Variants in COL18A1 observed in about 807,000 individuals in gnomAD.
COL18A1 encodes the protein collagen alpha-1(XVIII) chain.
A neutral mutation model predicts 168.0 loss-of-function variants in COL18A1; 133 were observed. The ratio of observed to expected loss-of-function variants is 0.79; its 90% confidence interval spans 0.69 to 0.91. The LOEUF (loss-of-function observed/expected upper bound fraction) is 0.91. COL18A1 is among the 40% of genes least tolerant of loss of function. The pLI, the probability that COL18A1 is intolerant of heterozygous loss-of-function variation, is 0.00. For missense variants in COL18A1, 2,126 were observed against 1,925.4 expected, an observed-to-expected ratio of 1.10 and a Z score of -1.95; for synonymous variants, 949 against 809.0, an observed-to-expected ratio of 1.17 and a Z score of -2.94.
chr21:45,422,406 T>C, intron 2 of COL18A1: 1 of 516,524 alleles, frequency 1.9e-6, no homozygotes. Context: ...GCACTGAGGG[T>C]CTCACCTCTT....
At position 45,457,354 on chromosome 21, in the gene COL18A1, G is replaced by A. The variant is rs529643070; in HGVS notation, c.107-10888G>A. Among the ~76,000 whole-genome samples the A allele has an allele frequency of 1.3e-5, 2 of 152,308 alleles. No individual in the cohort carries two copies. Among genetic ancestry groups the A allele is most frequent in the South Asian group, 2.1e-4 (1 of 4,826 alleles). ...GCGTGCTCGGGCCAAGGGTGCTGCC[G>A]CGTGGGCAGTGCAGAGACCCTACCA... On this transcript the variant is annotated intron_variant, in intron 2 of 41. Coordinates refer to ENST00000651438, the MANE Select transcript of COL18A1 (RefSeq NM_001379500.1). The surrounding 1 kb of genome is among the most constrained non-coding windows in gnomAD (Gnocchi z 4.6).
At chr21:45,405,298 CGCGGGGGTCGCGG>C (rs2123481920) in intron 1 of COL18A1, 57 bp downstream of exon 1, 2 of 521,432 alleles carry the variant, frequency 3.8e-6, no homozygotes, top group South Asian at 9.4e-5. Context: ...CTGCGGGGGT[CGCGGGGGTCGCGG>C]GGCTCGGCCG....
In COL18A1 at chr21:45,467,438, G is replaced by A. The variant is rs1474721235; in HGVS notation, c.107-804G>A. 3.0e-6 allele frequency: 3 copies of A among 985,342 alleles called. No homozygotes were observed. The South Asian group carries it at 1.4e-4, about 46-fold the overall frequency. 61.0% of individuals were successfully genotyped at this position (985,342 alleles called of 1,614,324 possible). On this transcript the variant is annotated intron_variant, in intron 2 of 41. Transcript: ENST00000651438. ...CGTTGGCAGGTACGTCAGGCATGCAGCCCCTCCAAGGGGTGATTGTGGCCC... is the reference window on the plus strand; with the variant it reads ...CGTTGGCAGGTACGTCAGGCATGCAACCCCTCCAAGGGGTGATTGTGGCCC...
chr21:45,502,648 G>A (rs903294667), intron 32 of COL18A1: 8 of 152,158 alleles, frequency 5.3e-5, no homozygotes, highest in Non-Finnish European at 7.3e-5. Context: ...AAGGAGAGAA[G>A]CAGCAACAAG....
chr21:45,475,436 G>T (rs1335140507), intron 4 of COL18A1, 40 bp from the exon 5 acceptor site: 2 of 1,552,606 alleles, frequency 1.3e-6, no homozygotes, highest in Non-Finnish European at 1.7e-6. Context: ...GCCTGGCCTG[G>T]CTGCCATCTC....
intron 6 of COL18A1, 42 bp downstream of exon 6, chr21:45,476,522 G>A: frequency 6.4e-7 from 1 of 1,559,886 alleles, no homozygotes; most frequent in South Asian, 1.2e-5. Flanking sequence ...GGTGTGGGGT[G>A]TGTGTGGTGT....
intron 38 of COL18A1, 28 bp from the exon 39 acceptor site, chr21:45,509,328 C>T (rs1259492081): frequency 2.2e-5 from 34 of 1,540,206 alleles, no homozygotes; most frequent in South Asian, 4.8e-5. Flanking sequence ...GTCCCCCCGC[C>T]GACAGGCCCC....
At chr21:45,416,627 C>G (rs1602337635) in intron 2 of COL18A1, among the ~76,000 whole-genome samples, 1 of 152,132 alleles carries the variant, frequency 6.6e-6, no homozygotes, top group East Asian at 1.9e-4. Context: ...CCTCTGTGAC[C>G]TGGTCACCCG....
At chr21:45,477,079 G>A (rs561095236) in intron 6 of COL18A1, among the ~76,000 whole-genome samples, 1 of 152,252 alleles carries the variant, frequency 6.6e-6, no homozygotes, top group South Asian at 2.1e-4. Flanking sequence ...GAGGGAAAAA[G>A]GAAAAGGGAC....
At chr21:45,442,987 G>T (rs554955649) in intron 2 of COL18A1, among the ~76,000 whole-genome samples, 8 of 146,012 alleles carry the variant, frequency 5.5e-5, no homozygotes, top group Admixed American at 4.7e-4. Context: ...GTGGGTGGCG[G>T]TGCTGGTGTG....
chr21:45,503,166 A>C (rs1484996631), intron 32 of COL18A1, among the ~76,000 whole-genome samples: 1 of 152,172 alleles, frequency 6.6e-6, no homozygotes, highest in Non-Finnish European at 1.5e-5. Flanking sequence ...ACAATGGTTG[A>C]ACTAGTTTAC....
intron 38 of COL18A1, among the ~76,000 whole-genome samples, chr21:45,509,130 T>G (rs1474150271): frequency 2.6e-5 from 4 of 152,080 alleles, no homozygotes; most frequent in Non-Finnish European, 5.9e-5. Flanking sequence ...CGGCTGGGTC[T>G]GTGGGGCCTG....
At chr21:45,481,875 C>A in intron 13 of COL18A1, 88 bp from the exon 14 acceptor site, 1 of 936,436 alleles carries the variant, frequency 1.1e-6, no homozygotes, top group Non-Finnish European at 1.7e-6. Flanking sequence ...CTTCTGGAAA[C>A]CTGCGGAAGC....
chr21:45,512,689 G>A lies in COL18A1; in HGVS notation c.*291G>A, dbSNP rs148610040. ...GTATCATGCCCTGTGCAACCTCTTG[G>A]CCTGATCAGACCACGGCTCGATTTC... On this transcript the variant is annotated 3_prime_UTR_variant, in exon 42 of 42. Coordinates refer to ENST00000651438, the MANE Select transcript of COL18A1 (RefSeq NM_001379500.1). The A allele has an allele frequency of 2.0e-4, 102 of 497,644 alleles. No individual in the cohort carries two copies. The highest frequency in any genetic ancestry group is 3.2e-4 in the Non-Finnish European group (88 of 272,416). 30.8% of individuals were successfully genotyped at this position (497,644 alleles called of 1,614,324 possible). A position where few individuals can be genotyped will look rare whatever the true frequency, so the allele number is the denominator to read the frequency against.
intron 32 of COL18A1, among the ~76,000 whole-genome samples, chr21:45,502,187 C>T (rs188299238): frequency 6.6e-6 from 1 of 152,180 alleles, no homozygotes; most frequent in Non-Finnish European, 1.5e-5. Context: ...ACCCCAGGGA[C>T]GGCTCCTGTG....
In COL18A1 at chr21:45,512,333, G is replaced by C; in HGVS notation, c.3955G>C (p.Ala1319Pro). Reference protein sequence around the residue: ...LGGRLLGQSAASCHHAYIVLC... With the variant: ...LGGRLLGQSAPSCHHAYIVLC... ...GGGCAGGCTCCTGGGGCAGAGTGCC[G>C]CGAGCTGCCATCACGCCTACATCGT... The change falls in exon 42 of 42, where the codon GCG becomes CCG. Residue 1319 changes from alanine (A) to proline (P), a missense_variant. By Grantham distance (27) the Ala-to-Pro change is conservative. Transcript: ENST00000651438. The C allele has an allele frequency of 3.7e-6, 6 of 1,612,626 alleles. No homozygotes were observed. The highest frequency in any genetic ancestry group is 5.1e-6 in the Non-Finnish European group (6 of 1,179,816).
At chr21:45,458,123 A>C (rs1448999459) in intron 2 of COL18A1, among the ~76,000 whole-genome samples, 3 of 17,354 alleles carry the variant, frequency 1.7e-4, no homozygotes, top group African/African-American at 7.3e-4. Flanking sequence ...GGAGGGAGGG[A>C]GGGCTGCAGC....
Position 45,484,629 on chromosome 21 carries a change from TG to T in COL18A1, c.1701+1812del, listed in dbSNP as rs534916816. Among the ~76,000 whole-genome samples, 532 of 152,256 alleles carry T rather than the reference TG, an allele frequency of 3.5e-3. 2 individuals carry two copies. The highest frequency in any genetic ancestry group is 6.7e-3 in the Non-Finnish European group (453 of 68,018). On this transcript the variant is annotated intron_variant, in intron 15 of 41. Coordinates refer to ENST00000651438, the MANE Select transcript of COL18A1 (RefSeq NM_001379500.1). ...GGTGTATATGTGCAACACATGTATC[TG>T]GGGCATGTGCACACGCATCTCTTAT... is the stretch of plus-strand genomic sequence containing the variant.
intron 9 of COL18A1, 48 bp from the exon 10 acceptor site, chr21:45,479,854 C>T: frequency 6.2e-7 from 1 of 1,611,538 alleles, no homozygotes; most frequent in Non-Finnish European, 8.5e-7. Flanking sequence ...CTGGGTGCGG[C>T]CCATGGTGGT....
Sources: allele counts gnomAD v4.1 joint callset (sites outside exome capture counted in the v4.1 genomes callset), GRCh38; gene constraint gnomAD v4.1.1; non-coding constraint Gnocchi (gnomAD v3.1); transcripts MANE v1.5; gene names NCBI Gene and HGNC (gene_info 2026-07-23, HGNC 2026-07-21).